The following EFCAB6 variants were observed in gnomAD, a reference collection of about 807,000 sequenced individuals.
EFCAB6 encodes the protein EF-hand calcium binding domain 6, also known as EF-hand calcium-binding domain-containing protein 6.
A neutral mutation model predicts 169.8 loss-of-function variants in EFCAB6; 156 were observed. The ratio of observed to expected loss-of-function variants is 0.92; its 90% CI spans 0.81 to 1.05. The LOEUF (loss-of-function observed/expected upper bound fraction) is 1.05. EFCAB6 is among the 50% of genes least tolerant of loss of function. EFCAB6 has a pLI of 0.00. For missense variants in EFCAB6, 1,800 were observed against 1,829.1 expected (o/e 0.98, Z 0.29); for synonymous variants, 698 against 676.4 (o/e 1.03, Z -0.50).
intron 6 of EFCAB6, among the ~76,000 whole-genome samples, chr22:43,746,888 C>A (rs989703366): frequency 1.5e-4 from 23 of 152,348 alleles, no homozygotes; most frequent in African/African-American, 5.5e-4. Flanking sequence ...TCTTGGGGCC[C>A]CTAAGAGCCC....
At position 43,651,611 on chromosome 22, in the gene EFCAB6, G is replaced by A. The variant is rs565617436; in HGVS notation, c.1983+15493C>T. ...GCCACCATCCTCCAAACCCCAGAACGGTAGATCCACTGAAAGCTTGGACCA... is the reference window on the plus strand; with the variant it reads ...GCCACCATCCTCCAAACCCCAGAACAGTAGATCCACTGAAAGCTTGGACCA... On this transcript the variant is annotated intron_variant, in intron 17 of 31. Transcript: ENST00000262726. Among the ~76,000 whole-genome samples the A allele has an allele frequency of 7.2e-5, 11 of 152,332 alleles. No homozygotes were observed. The South Asian group carries it at 1.4e-3, about 20-fold the overall frequency.
intron 6 of EFCAB6, among the ~76,000 whole-genome samples, chr22:43,738,503 TCACA>T (rs1437807444): frequency 3.5e-5 from 5 of 143,786 alleles, no homozygotes; most frequent in Non-Finnish European, 6.0e-5. Context: ...GCACATATAC[TCACA>T]CACACCATAT....
At chr22:43,743,312 A>C (rs1279587716) in intron 6 of EFCAB6, among the ~76,000 whole-genome samples, 1 of 152,128 alleles carries the variant, frequency 6.6e-6, no homozygotes, top group Non-Finnish European at 1.5e-5. Flanking sequence ...TCTGGGCTGG[A>C]GCGACCCCCA....
chr22:43,794,520 G>T (rs1237933338), intron 2 of EFCAB6, among the ~76,000 whole-genome samples: 1 of 152,180 alleles, frequency 6.6e-6, no homozygotes, highest in Non-Finnish European at 1.5e-5. Flanking sequence ...AGTGATTTGT[G>T]TGTATTCGTA....
At chr22:43,774,961 T>A (rs2061591793) in intron 3 of EFCAB6, among the ~76,000 whole-genome samples, 1 of 151,838 alleles carries the variant, frequency 6.6e-6, no homozygotes, top group East Asian at 2.0e-4. Context: ...TGGTACCACG[T>A]GGAGGAGGAA....
intron 17 of EFCAB6, among the ~76,000 whole-genome samples, chr22:43,653,047 G>A (rs1463350468): frequency 1.3e-5 from 2 of 152,160 alleles, no homozygotes; most frequent in Non-Finnish European, 2.9e-5. Context: ...TACTGGGGCT[G>A]AAGCGCTGAA....
chr22:43,534,807 C>T lies in EFCAB6; in HGVS notation c.4114G>A (p.Asp1372Asn), dbSNP rs113498685. 31 of 1,613,770 alleles carry T rather than the reference C, an allele frequency of 1.9e-5. No homozygotes were observed. The highest frequency in any genetic ancestry group is 1.2e-4 in the African/African-American group (9 of 74,902). Residue 1372 changes from aspartate to asparagine, a missense_variant, in exon 30 of 32, where the codon GAC becomes AAC. Physicochemically the swap from Asp to Asn is conservative, Grantham distance 23. Coordinates refer to ENST00000262726, the MANE Select transcript of EFCAB6 (RefSeq NM_022785.4). ...GCAAATTTCCCGTTGCTCTTTAAGTCGTATTTTATAATGAGCTGCTGACAC... is the reference window on the plus strand; with the variant it reads ...GCAAATTTCCCGTTGCTCTTTAAGTTGTATTTTATAATGAGCTGCTGACAC... Reference protein sequence around the residue: ...EECQQLIIKYDLKSNGKFAYC... With the variant: ...EECQQLIIKYNLKSNGKFAYC...
intron 25 of EFCAB6, among the ~76,000 whole-genome samples, chr22:43,577,476 G>A (rs2050337187): frequency 1.3e-5 from 2 of 152,216 alleles, no homozygotes; most frequent in South Asian, 4.1e-4. Context: ...GCTGTGTACA[G>A]TGGGAAATCC....
At chr22:43,729,723 C>A (rs1340948519) in intron 8 of EFCAB6, among the ~76,000 whole-genome samples, 2 of 151,434 alleles carry the variant, frequency 1.3e-5, no homozygotes, top group Non-Finnish European at 2.9e-5. Context: ...GATGATAAAC[C>A]AACAAAATAA....
intron 15 of EFCAB6, among the ~76,000 whole-genome samples, chr22:43,671,131 A>G (rs2091135325): frequency 6.6e-6 from 1 of 152,200 alleles, no homozygotes; most frequent in African/African-American, 2.4e-5. Flanking sequence ...AACCATCTGC[A>G]TGGTTCCTAA....
At chr22:43,626,938 G>A (rs1386440266) in intron 19 of EFCAB6, among the ~76,000 whole-genome samples, 1 of 152,144 alleles carries the variant, frequency 6.6e-6, no homozygotes, top group Non-Finnish European at 1.5e-5. Context: ...GAAAGGAACA[G>A]GCCACTTTTC....
At chr22:43,725,342 T>C (rs1352868979) in intron 8 of EFCAB6, among the ~76,000 whole-genome samples, 1 of 152,164 alleles carries the variant, frequency 6.6e-6, no homozygotes, top group Admixed American at 6.5e-5. Flanking sequence ...GGTTTCTCCA[T>C]GTTAGTCAGG....
intron 22 of EFCAB6, among the ~76,000 whole-genome samples, chr22:43,600,979 A>T (rs1037502852): frequency 3.3e-5 from 5 of 152,216 alleles, no homozygotes; most frequent in African/African-American, 1.2e-4. Context: ...GCAGTTTTTT[A>T]AAATTGAATA....
chr22:43,605,691 C>T (rs371816108), intron 22 of EFCAB6, among the ~76,000 whole-genome samples: 13 of 151,838 alleles, frequency 8.6e-5, no homozygotes, highest in East Asian at 1.9e-4. Flanking sequence ...TGGAGCTGGA[C>T]GGTGGTGACA....
intron 8 of EFCAB6, among the ~76,000 whole-genome samples, chr22:43,728,065 GC>G (rs1034780799): frequency 6.6e-6 from 1 of 151,094 alleles, no homozygotes; most frequent in Non-Finnish European, 1.5e-5. Flanking sequence ...CCTCCCCTTT[GC>G]CCCCACCCCA....
intron 26 of EFCAB6, among the ~76,000 whole-genome samples, chr22:43,558,391 A>G (rs974950389): frequency 1.3e-5 from 2 of 152,064 alleles, no homozygotes; most frequent in Non-Finnish European, 2.9e-5. Flanking sequence ...TGAAAGGTAC[A>G]TATGACACAG....
intron 27 of EFCAB6, chr22:43,553,362 A>G (rs927129307): frequency 6.6e-6 from 1 of 152,264 alleles, no homozygotes; most frequent in African/African-American, 2.4e-5. Flanking sequence ...TTCTCTGGGA[A>G]TGGGACATTG....
At chr22:43,561,356 CAA>C (rs768942774) in intron 26 of EFCAB6, among the ~76,000 whole-genome samples, 7 of 112,104 alleles carry the variant, frequency 6.2e-5, no homozygotes, top group Non-Finnish European at 9.4e-5. Context: ...GACTCTGTCT[CAA>C]AAAAAAAAAA....
intron 5 of EFCAB6, among the ~76,000 whole-genome samples, chr22:43,758,785 G>A (rs932345197): frequency 1.1e-4 from 16 of 152,158 alleles, no homozygotes; most frequent in Non-Finnish European, 1.8e-4. Flanking sequence ...TCTGAAAAAT[G>A]TCTTTAACCC....
Sources: gnomAD v4.1 joint callset for allele counts (sites outside exome capture counted in the v4.1 genomes callset) on GRCh38, gnomAD v4.1.1 for gene constraint, MANE v1.5 for transcripts, NCBI Gene and HGNC (gene_info 2026-07-23, HGNC 2026-07-21) for gene names.